Variants in PRKCA observed in about 807,000 individuals in gnomAD.
PRKCA encodes protein kinase C alpha.
PRKCA carries 27 observed loss-of-function variants against 87.0 expected under a neutral mutation model. That is an observed-to-expected ratio of 0.31 (90% confidence interval 0.23 to 0.43). The LOEUF (loss-of-function observed/expected upper bound fraction) is 0.43, where lower values mean the gene tolerates loss of function less well. Among genes scored for constraint, PRKCA ranks in the 20% least tolerant of loss-of-function variants. The pLI is 1.00. For missense variants in PRKCA, 518 were observed against 852.3 expected (o/e 0.61, Z 4.88); for synonymous variants, 329 against 311.1 (o/e 1.06, Z -0.61).
At chr17:66,581,446 G>C (rs1013700304) in intron 3 of PRKCA, among the ~76,000 whole-genome samples, 1 of 152,030 alleles carries the variant, frequency 6.6e-6, no homozygotes, top group Non-Finnish European at 1.5e-5. Flanking sequence ...TATTTGAGAG[G>C]GAATCTTTCT....
chr17:66,494,761 C>T (rs1916395075), intron 2 of PRKCA, among the ~76,000 whole-genome samples: 1 of 152,112 alleles, frequency 6.6e-6, no homozygotes, highest in South Asian at 2.1e-4. Flanking sequence ...CAAGGAGAGA[C>T]TAGGTCATTT....
At chr17:66,384,660 G>A (rs919475814) in intron 2 of PRKCA, among the ~76,000 whole-genome samples, 19 of 151,070 alleles carry the variant, frequency 1.3e-4, no homozygotes, top group Non-Finnish European at 2.7e-4. Flanking sequence ...ACGGAGTCTC[G>A]CTCTGTCGCC....
At position 66,756,017 on chromosome 17, in the gene PRKCA, G is replaced by A. The variant is rs537303474; in HGVS notation, c.1524+13257G>A. Among the ~76,000 whole-genome samples the A allele has an allele frequency of 1.1e-4, 16 of 152,314 alleles. No individual in the cohort carries two copies. In the South Asian group the frequency reaches 3.3e-3, roughly 32 times the overall value. ...GTGCTGGGGTGCAAAAACCTGATCC[G>A]TAATCGGCAAATTGCTGGAGGCTAA... is the stretch of plus-strand genomic sequence containing the variant. On this transcript the variant is annotated intron_variant, in intron 13 of 16. Transcript: ENST00000413366.
At chr17:66,696,187 T>C (rs1354204207) in intron 8 of PRKCA, among the ~76,000 whole-genome samples, 1 of 152,204 alleles carries the variant, frequency 6.6e-6, no homozygotes, top group African/African-American at 2.4e-5. Flanking sequence ...GAAGTGGTAT[T>C]GCATAGTGGT....
intron 5 of PRKCA, among the ~76,000 whole-genome samples, chr17:66,648,644 A>C (rs1013630403): frequency 2.0e-5 from 3 of 152,234 alleles, no homozygotes; most frequent in Admixed American, 2.0e-4. Context: ...GAAATAACTA[A>C]TTAGTAATTA....
chr17:66,731,836 T>C (rs1973903539), intron 8 of PRKCA, among the ~76,000 whole-genome samples: 2 of 125,950 alleles, frequency 1.6e-5, no homozygotes, highest in South Asian at 5.6e-4. Flanking sequence ...CAGGCTGGAG[T>C]GCAATGGCGC....
At chr17:66,577,668 TGAAC>T (rs1365077394) in intron 3 of PRKCA, among the ~76,000 whole-genome samples, 1 of 152,180 alleles carries the variant, frequency 6.6e-6, no homozygotes, top group African/African-American at 2.4e-5. Flanking sequence ...TATATGGAAG[TGAAC>T]TATATCTTTT....
chr17:66,373,096 G>T (rs1030950403), intron 2 of PRKCA, among the ~76,000 whole-genome samples: 1 of 151,926 alleles, frequency 6.6e-6, no homozygotes, highest in Non-Finnish European at 1.5e-5. Flanking sequence ...ATTGATTTAT[G>T]GCTCACATGC....
intron 2 of PRKCA, among the ~76,000 whole-genome samples, chr17:66,485,460 T>C (rs1273082824): frequency 6.6e-6 from 1 of 152,156 alleles, no homozygotes; most frequent in Non-Finnish European, 1.5e-5. Flanking sequence ...GGAGAGAGGT[T>C]TCATCCATGC....
chr17:66,705,194 A>C (rs1302414190), intron 8 of PRKCA, among the ~76,000 whole-genome samples: 2 of 152,274 alleles, frequency 1.3e-5, no homozygotes, highest in Non-Finnish European at 2.9e-5. Flanking sequence ...TAAAATGCAC[A>C]GCAGTTGAAA....
chr17:66,468,213 G>A (rs563026385), intron 2 of PRKCA, among the ~76,000 whole-genome samples: 8 of 152,284 alleles, frequency 5.3e-5, no homozygotes, highest in African/African-American at 1.7e-4. Context: ...CTTTATCTGG[G>A]TCTGTGCTGT....
At chr17:66,776,048 A>C (rs1975038164) in intron 14 of PRKCA, among the ~76,000 whole-genome samples, 1 of 152,216 alleles carries the variant, frequency 6.6e-6, no homozygotes, top group Non-Finnish European at 1.5e-5. Context: ...AGGCAGAGGG[A>C]GCCACCACGC....
At chr17:66,683,442 G>C (rs997573483) in intron 5 of PRKCA, among the ~76,000 whole-genome samples, 2 of 152,190 alleles carry the variant, frequency 1.3e-5, no homozygotes, top group African/African-American at 4.8e-5. Flanking sequence ...CTGGTGCCTG[G>C]GTGTCAACCC....
chr17:66,544,574 C>A (rs1968089758), intron 3 of PRKCA, among the ~76,000 whole-genome samples: 1 of 152,030 alleles, frequency 6.6e-6, no homozygotes, highest in Non-Finnish European at 1.5e-5. Context: ...CTTCTTTATT[C>A]AAAGAAAGAA....
At chr17:66,503,964 G>A (rs1916862260) in intron 3 of PRKCA, among the ~76,000 whole-genome samples, 1 of 152,112 alleles carries the variant, frequency 6.6e-6, no homozygotes, top group South Asian at 2.1e-4. Flanking sequence ...ATTTGCATGA[G>A]GTACAGAAGC....
At chr17:66,560,250 A>T (rs56038833) in intron 3 of PRKCA, among the ~76,000 whole-genome samples, 204 of 152,196 alleles carry the variant, frequency 1.3e-3, no homozygotes, top group Non-Finnish European at 1.7e-3. Flanking sequence ...ATAAAAAAAA[A>T]ATATGAAGAA....
chr17:66,614,180 G>C (rs1970455114), intron 3 of PRKCA, among the ~76,000 whole-genome samples: 1 of 152,130 alleles, frequency 6.6e-6, no homozygotes, highest in South Asian at 2.1e-4. Context: ...ACGTGAAGTG[G>C]AGGGGCAGGG....
chr17:66,302,874 A>G lies in PRKCA; in HGVS notation c.23A>G (p.Asn8Ser), dbSNP rs201024698. 4 of 1,599,990 alleles carry G rather than the reference A, an allele frequency of 2.5e-6. No individual in the cohort carries two copies. Among genetic ancestry groups the G allele is most frequent in the Admixed American group, 3.4e-5 (2 of 59,274 alleles). Residue 8 changes from asparagine (N) to serine (S), a missense_variant, in exon 1 of 17, where the codon AAC (asparagine) becomes AGC (serine). By Grantham distance (46) the Asn-to-Ser change is conservative (BLOSUM62 1). This residue lies in a region of PRKCA where 33 missense variants were observed against 34.1 expected (regional missense o/e 0.97). Transcript: ENST00000413366. ...ACCATGGCTGACGTTTTCCCGGGCA[A>G]CGACTCCACGGCGTCTCAGGACGTG... MADVFPG[N>S]DSTASQDVAN...
chr17:66,546,784 A>G (rs1968157264), intron 3 of PRKCA, among the ~76,000 whole-genome samples: 1 of 152,188 alleles, frequency 6.6e-6, no homozygotes. Context: ...GACCCGCAGC[A>G]TTAGTTTTAC....
Sources: allele counts gnomAD v4.1 joint callset (sites outside exome capture counted in the v4.1 genomes callset), GRCh38; gene constraint gnomAD v4.1.1; regional missense constraint gnomAD v4.1.1; transcripts MANE v1.5; gene names NCBI Gene and HGNC (gene_info 2026-07-23, HGNC 2026-07-21).